The following SKP1 variants were observed in gnomAD, a reference collection of about 807,000 sequenced individuals.
SKP1 encodes S-phase kinase-associated protein 1.
A neutral mutation model predicts 21.5 loss-of-function variants in SKP1; 1 was observed. The ratio of observed to expected loss-of-function variants is 0.05; its 90% CI spans 0.02 to 0.22. The LOEUF is 0.22. Among genes scored for constraint, SKP1 ranks in the 10% least tolerant of loss-of-function variants. SKP1 has a pLI of 1.00. For missense variants in SKP1, 70 were observed against 192.0 expected (o/e 0.36, Z 3.76); for synonymous variants, 59 against 59.3 (o/e 0.99, Z 0.03).
chr5:134,164,491 T>C (rs1196525298), intron 3 of SKP1, among the ~76,000 whole-genome samples: 1 of 152,198 alleles, frequency 6.6e-6, no homozygotes. Flanking sequence ...TAATGTTGCA[T>C]ATTCCCCACC....
intron 1 of SKP1, 150 bp from the exon 2 acceptor site, chr5:134,174,172 A>G: frequency 1.6e-6 from 1 of 609,906 alleles, no homozygotes; most frequent in South Asian, 2.2e-5. Flanking sequence ...TGTTGTAAGC[A>G]GTTATTCACA....
intron 2 of SKP1, among the ~76,000 whole-genome samples, chr5:134,173,195 G>A (rs185425504): frequency 6.6e-6 from 1 of 152,076 alleles, no homozygotes; most frequent in East Asian, 1.9e-4. Flanking sequence ...AGCCGGGCTT[G>A]GTGGCACATG....
chr5:134,165,029 T>G (rs1016717420), intron 3 of SKP1, among the ~76,000 whole-genome samples: 7 of 131,802 alleles, frequency 5.3e-5, no homozygotes, highest in African/African-American at 2.5e-4. Context: ...CTAGCGTAAT[T>G]TTTTTTTTTG....
Position 134,173,879 on chromosome 5 carries a change from T to A in SKP1, c.97+47A>T. On this transcript the variant is annotated intron_variant, in intron 2 of 5. Coordinates refer to ENST00000353411, the MANE Select transcript of SKP1 (RefSeq NM_170679.3). Reference sequence around the variant, plus strand: ...ATATAAATTTGATATTCACAAACTATCTCAAATTACACATTTCCTCCCACC... The same window carrying A: ...ATATAAATTTGATATTCACAAACTAACTCAAATTACACATTTCCTCCCACC... The A allele has an allele frequency of 3.9e-6, 4 of 1,020,352 alleles. No homozygotes were observed. In the South Asian group the frequency reaches 5.1e-5, roughly 13 times the overall value. The allele number at this position is 1,020,352 out of a possible 1,614,324, so 63.2% of individuals were successfully genotyped here.
rs1235186787 is a variant in SKP1, at chr5:134,154,125, T to A, written c.*3608A>T. On this transcript the variant is annotated 3_prime_UTR_variant, in exon 6 of 6. Transcript: ENST00000353411. ...ATTAAGGCAAGCTAACACATGGCAC[T>A]TCAAAAGAGTAACTTGCTTCTACAA... 1 of 152,114 alleles carries A rather than the reference T, an allele frequency of 6.6e-6. No homozygotes were observed. Among genetic ancestry groups the A allele is most frequent in the Non-Finnish European group, 1.5e-5 (1 of 68,016 alleles). 9.4% of individuals were successfully genotyped at this position (152,114 alleles called of 1,614,324 possible). A position where few individuals can be genotyped will look rare whatever the true frequency, so the allele number is the denominator to read the frequency against.
At chr5:134,173,417 G>A in intron 2 of SKP1, 1 of 227,104 alleles carries the variant, frequency 4.4e-6, no homozygotes, top group Non-Finnish European at 9.0e-6. Context: ...ACTGAGCCCA[G>A]AAGGTTGAGG....
intron 5 of SKP1, 56 bp downstream of exon 5, chr5:134,158,397 TAG>T (rs1561718012): frequency 6.2e-7 from 1 of 1,613,304 alleles, no homozygotes; most frequent in South Asian, 1.1e-5. Context: ...TGGCATGTTA[TAG>T]GTGTTACTCC....
In SKP1 at chr5:134,151,178, G is replaced by C; in HGVS notation, c.*6555C>G. The stretch of plus-strand genomic sequence containing the variant: ...ATATTCACCAGGGGCTCTGGACCAA[G>C]TCTTCCTTTTTCATTCAAGTGTTCT... On this transcript the variant is annotated 3_prime_UTR_variant, in exon 6 of 6. Coordinates refer to ENST00000353411, the MANE Select transcript of SKP1 (RefSeq NM_170679.3). 6.6e-6 allele frequency: 1 copy of C among 152,616 alleles called. No individual in the cohort carries two copies. The highest frequency in any genetic ancestry group is 1.5e-5 in the Non-Finnish European group (1 of 68,302). 9.5% of individuals were successfully genotyped at this position (152,616 alleles called of 1,614,324 possible).
intron 1 of SKP1, 21 bp downstream of exon 1, chr5:134,176,834 G>T (rs1369538044): frequency 6.5e-6 from 1 of 152,686 alleles, no homozygotes; most frequent in Admixed American, 6.5e-5. Context: ...ACCCTTTCCA[G>T]TTCAGTGGGC....
chr5:134,160,704 G>A (rs969092272), intron 4 of SKP1, among the ~76,000 whole-genome samples: 4 of 152,074 alleles, frequency 2.6e-5, no homozygotes, highest in African/African-American at 4.8e-5. Flanking sequence ...TTAGTGTACC[G>A]TATCTTCTTC....
chr5:134,160,420 A>G (rs968682955), intron 4 of SKP1, among the ~76,000 whole-genome samples: 1 of 151,996 alleles, frequency 6.6e-6, no homozygotes, highest in Non-Finnish European at 1.5e-5. Flanking sequence ...CAATAGTGTT[A>G]TATCAAGTTA....
intron 1 of SKP1, among the ~76,000 whole-genome samples, chr5:134,176,149 G>A (rs756320001): frequency 2.3e-4 from 35 of 152,190 alleles, no homozygotes; most frequent in South Asian, 4.1e-4. Context: ...GATACCTAGA[G>A]TTAAGTTATA....
At chr5:134,163,477 CA>C (rs1413821679) in intron 3 of SKP1, among the ~76,000 whole-genome samples, 1 of 148,290 alleles carries the variant, frequency 6.7e-6, no homozygotes, top group Non-Finnish European at 1.5e-5. Flanking sequence ...ATATTCAATA[CA>C]AACAGGCTTA....
rs1237239832 is a variant in SKP1, at chr5:134,158,205, T to A, written c.456+250A>T. On this transcript the variant is annotated intron_variant, in intron 5 of 5. Transcript: ENST00000353411. ...AGAAAGTTGCAGGTGCCAAAACTAG[T>A]AACTGTTAATACATTAACAAGAGCT... 5.7e-6 allele frequency: 8 copies of A among 1,412,240 alleles called. No individual in the cohort carries two copies. In the East Asian group the frequency reaches 2.1e-4, roughly 38 times the overall value. 87.5% of individuals were successfully genotyped at this position (1,412,240 alleles called of 1,614,324 possible).
At position 134,148,987 on chromosome 5, in the gene SKP1, T is replaced by C. The variant is rs984589558; in HGVS notation, c.*8746A>G. On this transcript the variant is annotated 3_prime_UTR_variant, in exon 6 of 6. Coordinates refer to ENST00000353411, the MANE Select transcript of SKP1 (RefSeq NM_170679.3). ...CATATCCACTTTATTTTTAGATTAT[T>C]TGTATACATTTAGGGGGTACAAATG... is the stretch of plus-strand genomic sequence containing the variant. The C allele has an allele frequency of 5.3e-5, 8 of 152,250 alleles. No homozygotes were observed. The highest frequency in any genetic ancestry group is 1.9e-4 in the African/African-American group (8 of 41,474). 9.4% of individuals were successfully genotyped at this position (152,250 alleles called of 1,614,324 possible).
At chr5:134,158,262 TA>T in intron 5 of SKP1, 192 bp downstream of exon 5, 1 of 1,467,618 alleles carries the variant, frequency 6.8e-7, no homozygotes, top group South Asian at 1.4e-5. Flanking sequence ...TTCTTATGCT[TA>T]AAATGCAGTA....
At position 134,151,180 on chromosome 5, in the gene SKP1, C is replaced by A. The variant is rs1580921438; in HGVS notation, c.*6553G>T. On this transcript the variant is annotated 3_prime_UTR_variant, in exon 6 of 6. Transcript: ENST00000353411. ...ATTCACCAGGGGCTCTGGACCAAGT[C>A]TTCCTTTTTCATTCAAGTGTTCTCA... The A allele has an allele frequency of 6.6e-6, 1 of 152,448 alleles. No homozygotes were observed. The highest frequency in any genetic ancestry group is 2.4e-5 in the African/African-American group (1 of 41,434). 9.4% of individuals were successfully genotyped at this position (152,448 alleles called of 1,614,324 possible). A position where few individuals can be genotyped will look rare whatever the true frequency, so the allele number is the denominator to read the frequency against.
At chr5:134,157,893 C>T in intron 5 of SKP1, 125 bp from the exon 6 acceptor site, 1 of 1,593,136 alleles carries the variant, frequency 6.3e-7, no homozygotes, top group Non-Finnish European at 8.5e-7. Context: ...AAAATTAGAA[C>T]AACACCAGGT....
At chr5:134,165,729 T>C (rs929820967) in intron 3 of SKP1, among the ~76,000 whole-genome samples, 2 of 148,440 alleles carry the variant, frequency 1.3e-5, no homozygotes, top group African/African-American at 5.0e-5. Context: ...TACTAAAAAA[T>C]ACAAAAATTA....
Sources: gnomAD v4.1 joint callset for allele counts (sites outside exome capture counted in the v4.1 genomes callset) on GRCh38, gnomAD v4.1.1 for gene constraint, MANE v1.5 for transcripts, NCBI Gene and HGNC (gene_info 2026-07-23, HGNC 2026-07-21) for gene names.